NINJ2: variants seen among roughly 807,000 people sequenced by gnomAD.
The protein encoded by NINJ2 is ninjurin 2, also known as ninjurin-2.
Under a neutral mutation model 11.7 loss-of-function variants are expected in NINJ2, and 12 were observed. The observed-to-expected ratio is 1.02, with a 90% CI of 0.66 to 1.66. NINJ2 has a LOEUF of 1.66. Ranked by LOEUF, NINJ2 falls within the 40% of genes most tolerant of loss-of-function variation. The pLI, the probability that NINJ2 is intolerant of heterozygous loss-of-function variation, is 0.00. For missense variants in NINJ2, 187 were observed against 181.8 expected (o/e 1.03, Z -0.16); for synonymous variants, 93 against 76.8 (o/e 1.21, Z -1.10).
chr12:634,223 C>T (rs1005806007), intron 1 of NINJ2, among the ~76,000 whole-genome samples: 9 of 144,538 alleles, frequency 6.2e-5, no homozygotes, highest in Non-Finnish European at 1.4e-4. Context: ...TAGTGCCTCA[C>T]ATAAGTTGTG....
At chr12:637,423 C>T (rs1482989477) in intron 1 of NINJ2, among the ~76,000 whole-genome samples, 3 of 151,606 alleles carry the variant, frequency 2.0e-5, no homozygotes, top group South Asian at 2.1e-4. Flanking sequence ...AGGCAGATCA[C>T]GAGGTCAGGA....
intron 1 of NINJ2, among the ~76,000 whole-genome samples, chr12:600,774 C>T (rs756279183): frequency 1.6e-4 from 25 of 151,638 alleles, no homozygotes; most frequent in Non-Finnish European, 2.4e-4. Flanking sequence ...CTTGACCTCC[C>T]GAGCTCAGGC....
intron 1 of NINJ2, among the ~76,000 whole-genome samples, chr12:636,390 A>G (rs1414782889): frequency 1.8e-5 from 2 of 109,390 alleles, no homozygotes; most frequent in African/African-American, 3.2e-5. Context: ...TAAATAAATA[A>G]ATAAATAGAT....
chr12:656,083 C>A (rs1188455084), intron 1 of NINJ2, among the ~76,000 whole-genome samples: 2 of 151,788 alleles, frequency 1.3e-5, no homozygotes, highest in South Asian at 4.2e-4. Flanking sequence ...GCAAAAGACC[C>A]GCAGGGCGTA....
intron 1 of NINJ2, among the ~76,000 whole-genome samples, chr12:617,380 C>T (rs1948105488): frequency 6.6e-6 from 1 of 152,172 alleles, no homozygotes; most frequent in Non-Finnish European, 1.5e-5. Flanking sequence ...AAGCCCTGGC[C>T]GCGTGCTGAG....
In NINJ2 at chr12:600,079, G is replaced by A. The variant is rs550547346; in HGVS notation, c.34-33901C>T. Among the ~76,000 whole-genome samples the A allele has an allele frequency of 3.7e-4, 56 of 152,274 alleles. No individual in the cohort carries two copies. The South Asian group carries it at 0.011, about 31-fold the overall frequency. ...ATTTACTCCTTTACTCCTTCCGAAC[G>A]CCTGAGCCACTGGGGGGTCTTGGCT... On this transcript the variant is annotated intron_variant, in intron 1 of 3. Transcript: ENST00000305108.
intron 1 of NINJ2, among the ~76,000 whole-genome samples, chr12:597,170 G>A (rs956542556): frequency 3.9e-5 from 6 of 152,220 alleles, no homozygotes; most frequent in Non-Finnish European, 7.3e-5. Context: ...GTGGTTGGTA[G>A]TTGTAGGCTG....
At chr12:642,662 G>A (rs532746687) in intron 1 of NINJ2, 39 of 152,694 alleles carry the variant, frequency 2.6e-4, no homozygotes, top group Middle Eastern at 6.8e-3. Flanking sequence ...GCCCACGGAG[G>A]GGGGCGGGCT....
chr12:583,727 C>A (rs889634023), intron 1 of NINJ2, among the ~76,000 whole-genome samples: 14 of 152,206 alleles, frequency 9.2e-5, no homozygotes, highest in African/African-American at 2.9e-4. Context: ...AGGCGGTCAA[C>A]CCCTGCAAAG....
At chr12:655,641 G>A (rs1048963265) in intron 1 of NINJ2, among the ~76,000 whole-genome samples, 2 of 152,146 alleles carry the variant, frequency 1.3e-5, no homozygotes, top group East Asian at 1.9e-4. Flanking sequence ...GGACAAGCGC[G>A]GTGGCTCACG....
At chr12:646,796 A>G (rs1270946478) in intron 1 of NINJ2, among the ~76,000 whole-genome samples, 1 of 152,192 alleles carries the variant, frequency 6.6e-6, no homozygotes, top group African/African-American at 2.4e-5. Flanking sequence ...CAAGACAAGC[A>G]CACAAAACAA....
chr12:604,343 G>A (rs1002730645), intron 1 of NINJ2, among the ~76,000 whole-genome samples: 6 of 152,090 alleles, frequency 3.9e-5, no homozygotes, highest in African/African-American at 1.2e-4. Flanking sequence ...CCGAGCAATA[G>A]AGGCCACAGC....
At chr12:617,080 C>G (rs145983369) in intron 1 of NINJ2, among the ~76,000 whole-genome samples, 7,137 of 152,234 alleles carry the variant, frequency 0.047, 253 homozygotes, top group Non-Finnish European at 0.074. Flanking sequence ...GTGGCGCACA[C>G]CTGTAATCCC....
At chr12:608,954 G>A (rs955033435) in intron 1 of NINJ2, among the ~76,000 whole-genome samples, 1 of 152,206 alleles carries the variant, frequency 6.6e-6, no homozygotes, top group African/African-American at 2.4e-5. Context: ...CTGGGTTGTT[G>A]TTGTTTAATT....
rs141383357 is a variant in NINJ2, at chr12:651,591, T to C, written c.33+11737A>G. Among the ~76,000 whole-genome samples the C allele has an allele frequency of 7.1e-3, 1,076 of 152,234 alleles. 5 individuals are homozygous for C. The highest frequency in any genetic ancestry group is 0.011 in the Non-Finnish European group (766 of 68,008). The stretch of plus-strand genomic sequence containing the variant: ...GCATACTAAAAGGCAAAAACCACAA[T>C]TGGAAGAGAAGAGCAAGCATTAGAA... On this transcript the variant is annotated intron_variant, in intron 1 of 3. Transcript: ENST00000305108.
Position 570,441 on chromosome 12 carries a change from G to T in NINJ2, c.34-4263C>A, listed in dbSNP as rs191241269. ...AATCCTGCAGGGGGTCATCCTTTTC[G>T]CCCACAGCCCAGGGACTGGGAGCAA... On this transcript the variant is annotated intron_variant, in intron 1 of 3. Coordinates refer to ENST00000305108, the MANE Select transcript of NINJ2 (RefSeq NM_016533.6). Among the ~76,000 whole-genome samples, 3 of 152,266 alleles carry T rather than the reference G, an allele frequency of 2.0e-5. No homozygotes were observed. In the East Asian group the frequency reaches 5.8e-4, roughly 29 times the overall value.
chr12:644,241 A>G (rs1422365669), intron 1 of NINJ2: 2 of 152,676 alleles, frequency 1.3e-5, no homozygotes, highest in Non-Finnish European at 2.9e-5. Flanking sequence ...TCAAACCTAA[A>G]TGTGGGCCTG....
rs542214877 is a variant in NINJ2 at position 605,659 on chromosome 12, T to C, written c.34-39481A>G. The stretch of plus-strand genomic sequence containing the variant: ...CTAACACCCACCCTACATTTCTGCA[T>C]TGAAGCTCCCCAGCAAACAAGCCCT... On this transcript the variant is annotated intron_variant, in intron 1 of 3. Coordinates refer to ENST00000305108, the MANE Select transcript of NINJ2 (RefSeq NM_016533.6). Among the ~76,000 whole-genome samples the C allele has an allele frequency of 3.3e-5, 5 of 152,334 alleles. No individual in the cohort carries two copies. In the East Asian group the frequency reaches 5.8e-4, roughly 18 times the overall value.
intron 1 of NINJ2, among the ~76,000 whole-genome samples, chr12:609,176 A>G (rs1240606830): frequency 7.7e-6 from 1 of 129,960 alleles, no homozygotes; most frequent in Non-Finnish European, 1.6e-5. Context: ...GCACGGCGCC[A>G]CGCGCTAGGT....
Sources: allele counts gnomAD v4.1 joint callset (sites outside exome capture counted in the v4.1 genomes callset), GRCh38; gene constraint gnomAD v4.1.1; transcripts MANE v1.5; gene names NCBI Gene and HGNC (gene_info 2026-07-23, HGNC 2026-07-21).